Variants in PTPRO observed in about 807,000 individuals in gnomAD.
PTPRO encodes the protein receptor-type tyrosine-protein phosphatase O.
In PTPRO, 62 loss-of-function variants were observed where a neutral mutation model predicts 145.2. The observed-to-expected ratio is 0.43, with a 90% CI of 0.35 to 0.53. PTPRO has a LOEUF of 0.53. PTPRO is among the 20% of genes least tolerant of loss of function. The pLI, the probability that PTPRO is intolerant of heterozygous loss-of-function variation, is 0.01. For missense variants in PTPRO, 1,345 were observed against 1,482.7 expected, an observed-to-expected ratio of 0.91 and a Z score of 1.53; for synonymous variants, 565 against 514.7, an observed-to-expected ratio of 1.10 and a Z score of -1.32.
intron 1 of PTPRO, among the ~76,000 whole-genome samples, chr12:15,357,981 C>T (rs1169540802): frequency 2.0e-5 from 3 of 151,042 alleles, no homozygotes; most frequent in Non-Finnish European, 3.0e-5. Context: ...GACTTGGAAC[C>T]AACCCAAATG....
chr12:15,544,953 C>T (rs1286798202), intron 12 of PTPRO, among the ~76,000 whole-genome samples: 1 of 152,192 alleles, frequency 6.6e-6, no homozygotes, highest in African/African-American at 2.4e-5. Context: ...CCTCCTTCAA[C>T]TCTTCTGCCT....
intron 17 of PTPRO, among the ~76,000 whole-genome samples, chr12:15,563,442 C>T (rs1943825543): frequency 1.3e-5 from 2 of 152,192 alleles, no homozygotes; most frequent in Non-Finnish European, 2.9e-5. Context: ...AACATTTTAT[C>T]AGTGTTGCTG....
intron 9 of PTPRO, among the ~76,000 whole-genome samples, chr12:15,519,246 A>G (rs1032263923): frequency 6.6e-6 from 1 of 152,198 alleles, no homozygotes; most frequent in Non-Finnish European, 1.5e-5. Context: ...TTTACTCACT[A>G]TCATCAGAAC....
intron 1 of PTPRO, among the ~76,000 whole-genome samples, chr12:15,333,867 T>C (rs1255129082): frequency 6.6e-6 from 1 of 152,196 alleles, no homozygotes; most frequent in Admixed American, 6.5e-5. Context: ...GCCCAAGTCA[T>C]AAATAGGTTC....
chr12:15,546,798 A>G lies in PTPRO; in HGVS notation c.2304+90A>G, dbSNP rs1565700046. On this transcript the variant is annotated intron_variant, in intron 13 of 26. Coordinates refer to ENST00000281171, the MANE Select transcript of PTPRO (RefSeq NM_030667.3). Reference sequence around the variant, plus strand: ...TAAGAATCTTCTATTTCTTTGAGCTATATAAAATGAAAACTGTTTATTTGC... The same window carrying G: ...TAAGAATCTTCTATTTCTTTGAGCTGTATAAAATGAAAACTGTTTATTTGC... 10 of 1,542,150 alleles carry G rather than the reference A, an allele frequency of 6.5e-6. No individual in the cohort carries two copies. The Admixed American group carries it at 8.6e-5, about 13-fold the overall frequency.
At chr12:15,465,497 A>G (rs1941396255) in intron 1 of PTPRO, among the ~76,000 whole-genome samples, 1 of 152,178 alleles carries the variant, frequency 6.6e-6, no homozygotes, top group African/African-American at 2.4e-5. Context: ...TCTACGTCTT[A>G]CTCTAAGAAC....
intron 11 of PTPRO, among the ~76,000 whole-genome samples, chr12:15,525,656 C>A (rs76370258): frequency 0.013 from 1,905 of 152,318 alleles, 53 homozygotes; most frequent in African/African-American, 0.044. Context: ...ACTGAACTGT[C>A]ATTTGTCCAT....
At chr12:15,377,330 T>C (rs1361133019) in intron 1 of PTPRO, among the ~76,000 whole-genome samples, 1 of 151,886 alleles carries the variant, frequency 6.6e-6, no homozygotes, top group Non-Finnish European at 1.5e-5. Flanking sequence ...TAATGGCAAA[T>C]GTAAATCCCA....
At chr12:15,555,299 T>C (rs919974021) in intron 15 of PTPRO, among the ~76,000 whole-genome samples, 1 of 152,120 alleles carries the variant, frequency 6.6e-6, no homozygotes, top group African/African-American at 2.4e-5. Flanking sequence ...TTAGACTGGA[T>C]GAAATTCAGG....
intron 12 of PTPRO, among the ~76,000 whole-genome samples, chr12:15,530,345 A>G (rs1185546127): frequency 3.3e-5 from 5 of 152,158 alleles, no homozygotes; most frequent in East Asian, 1.9e-4. Flanking sequence ...ACAAAGAAAC[A>G]ACAGAGTTAA....
chr12:15,497,417 G>C lies in PTPRO; in HGVS notation c.508+14G>C. ...TGCTATATAAAGGTAAGCAGCAAAA[G>C]GAAAGCTGAATCAATGATGACCCTC... is the stretch of plus-strand genomic sequence containing the variant. On this transcript the variant is annotated intron_variant, in intron 3 of 26. Transcript: ENST00000281171. 1 of 1,611,636 alleles carries C rather than the reference G, an allele frequency of 6.2e-7. No homozygotes were observed. The highest frequency in any genetic ancestry group is 1.1e-5 in the South Asian group (1 of 91,020).
At chr12:15,483,651 T>C (rs1302370135) in intron 1 of PTPRO, among the ~76,000 whole-genome samples, 2 of 152,130 alleles carry the variant, frequency 1.3e-5, no homozygotes. Flanking sequence ...TCAAAATGAC[T>C]CATTCATTAT....
chr12:15,532,772 A>T (rs1484079116), intron 12 of PTPRO, among the ~76,000 whole-genome samples: 1 of 152,056 alleles, frequency 6.6e-6, no homozygotes, highest in Non-Finnish European at 1.5e-5. Context: ...TCTGACTCTG[A>T]CCTCTGTGGG....
At chr12:15,522,785 C>A (rs1051529228) in intron 10 of PTPRO, among the ~76,000 whole-genome samples, 2 of 152,092 alleles carry the variant, frequency 1.3e-5, no homozygotes, top group African/African-American at 4.8e-5. Context: ...CATCTTGTGG[C>A]CTTCCAGCAA....
chr12:15,482,256 A>G (rs1269674052), intron 1 of PTPRO, among the ~76,000 whole-genome samples: 3 of 152,030 alleles, frequency 2.0e-5, no homozygotes, highest in Non-Finnish European at 4.4e-5. Context: ...GATGAACCTG[A>G]AGGACATTAT....
chr12:15,383,399 G>A (rs945608852), intron 1 of PTPRO, among the ~76,000 whole-genome samples: 3 of 152,146 alleles, frequency 2.0e-5, no homozygotes, highest in Admixed American at 2.0e-4. Context: ...CCCCTTTCTT[G>A]GCTATCATGA....
intron 1 of PTPRO, among the ~76,000 whole-genome samples, chr12:15,381,113 T>C (rs1468859781): frequency 6.6e-6 from 1 of 152,160 alleles, no homozygotes; most frequent in Non-Finnish European, 1.5e-5. Context: ...TCTTTGAAAA[T>C]AAAAGTCATC....
At chr12:15,330,958 GA>G (rs1038251732) in intron 1 of PTPRO, among the ~76,000 whole-genome samples, 15 of 152,030 alleles carry the variant, frequency 9.9e-5, no homozygotes, top group African/African-American at 3.6e-4. Flanking sequence ...TGAAGCAGTT[GA>G]AAACAAATAA....
chr12:15,486,075 C>T (rs1321807863), intron 2 of PTPRO, among the ~76,000 whole-genome samples: 3 of 152,240 alleles, frequency 2.0e-5, no homozygotes, highest in Middle Eastern at 3.4e-3. Context: ...TTGTTCAAGT[C>T]TTCTATGTCC....
Sources: allele counts gnomAD v4.1 joint callset (sites outside exome capture counted in the v4.1 genomes callset), GRCh38; gene constraint gnomAD v4.1.1; transcripts MANE v1.5; gene names NCBI Gene and HGNC (gene_info 2026-07-23, HGNC 2026-07-21).